The following GSE1 variants were observed in gnomAD, a reference collection of about 807,000 sequenced individuals.
GSE1 encodes Gse1 coiled-coil protein.
A neutral mutation model predicts 112.6 loss-of-function variants in GSE1; 32 were observed. The ratio of observed to expected loss-of-function variants is 0.28; its 90% CI spans 0.21 to 0.38. The LOEUF is 0.38. GSE1 is among the 10% of genes least tolerant of loss of function. The pLI, the probability that GSE1 is intolerant of heterozygous loss-of-function variation, is 1.00. For missense variants in GSE1, 2,348 were observed against 1,699.2 expected, an observed-to-expected ratio of 1.38 and a Z score of -6.71; for synonymous variants, 1,115 against 735.6, an observed-to-expected ratio of 1.52 and a Z score of -8.35.
intron 1 of GSE1, among the ~76,000 whole-genome samples, chr16:85,618,721 G>A (rs1272952808): frequency 6.6e-6 from 1 of 152,256 alleles, no homozygotes. Flanking sequence ...GCAGTGGTGC[G>A]ATCACAGCTC....
At chr16:85,622,426 A>T (rs1220872703) in intron 1 of GSE1, among the ~76,000 whole-genome samples, 1 of 151,968 alleles carries the variant, frequency 6.6e-6, no homozygotes. Context: ...CATATTGGGG[A>T]GGGTGTTCAT....
intron 1 of GSE1, among the ~76,000 whole-genome samples, chr16:85,622,155 T>C (rs1411847356): frequency 6.6e-6 from 1 of 152,306 alleles, no homozygotes; most frequent in East Asian, 1.9e-4. Context: ...TTGTCCTGTT[T>C]GGTGGCTGGG....
At chr16:85,652,361 C>G (rs1244213870) in intron 3 of GSE1, among the ~76,000 whole-genome samples, 1 of 152,254 alleles carries the variant, frequency 6.6e-6, no homozygotes, top group African/African-American at 2.4e-5. Context: ...CAGGCGCTGG[C>G]TCCTCAATAG....
chr16:85,465,780 T>C lies in GSE1; in HGVS notation c.2464+108137T>C, dbSNP rs558076092. Among the ~76,000 whole-genome samples the C allele has an allele frequency of 2.0e-5, 3 of 152,374 alleles. No individual in the cohort carries two copies. The South Asian group carries it at 6.2e-4, about 32-fold the overall frequency. On this transcript the variant is annotated intron_variant, in intron 2 of 2. Transcript: ENST00000637419. ...CAGACAGACGTTCCTCAAGGGAAGATCCTTTACACTCTGATCTCAGAATCT... is the reference window on the plus strand; with the variant it reads ...CAGACAGACGTTCCTCAAGGGAAGACCCTTTACACTCTGATCTCAGAATCT...
intron 2 of GSE1, among the ~76,000 whole-genome samples, chr16:85,360,769 C>T (rs977679481): frequency 5.9e-5 from 9 of 152,010 alleles, no homozygotes; most frequent in South Asian, 4.1e-4. Context: ...CACGGGTGCA[C>T]GCGTAAGTCA....
In GSE1 at chr16:85,544,501, C is replaced by T. The variant is rs536002471; in HGVS notation, c.2465-89413C>T. 1.3e-3 allele frequency among the ~76,000 whole-genome samples: 198 copies of T among 152,310 alleles called. 1 individual carries two copies. Among genetic ancestry groups the T allele is most frequent in the African/African-American group, 4.6e-3 (192 of 41,560 alleles). On this transcript the variant is annotated intron_variant, in intron 2 of 2. Transcript: ENST00000637419. ...AGTGGCTGGGGCTGACTCCAGATTT[C>T]TTTGCAAGGTAAAGGCAGAGAAGGA...
intron 1 of GSE1, among the ~76,000 whole-genome samples, chr16:85,196,202 G>A (rs1454135051): frequency 2.6e-5 from 4 of 152,192 alleles, no homozygotes; most frequent in South Asian, 2.1e-4. Flanking sequence ...GTTGGGGCCC[G>A]TGTTATCATT....
intron 2 of GSE1, among the ~76,000 whole-genome samples, chr16:85,414,507 C>T (rs570458713): frequency 6.6e-6 from 1 of 152,376 alleles, no homozygotes; most frequent in Non-Finnish European, 1.5e-5. Flanking sequence ...ATGACATCGC[C>T]ATGCCTTCGT....
intron 1 of GSE1, among the ~76,000 whole-genome samples, chr16:85,570,654 G>A (rs545288992): frequency 1.1e-3 from 175 of 152,352 alleles, no homozygotes; most frequent in African/African-American, 3.9e-3. Context: ...GAATAGGAAC[G>A]CAAATAGCCC....
intron 1 of GSE1, among the ~76,000 whole-genome samples, chr16:85,605,986 G>A (rs565475286): frequency 3.9e-5 from 6 of 152,206 alleles, no homozygotes; most frequent in Non-Finnish European, 5.9e-5. Flanking sequence ...TGTTTCTGCC[G>A]TGGTTTCTGT....
intron 2 of GSE1, among the ~76,000 whole-genome samples, chr16:85,361,253 CCCCCCACACACAAACATACA>C: frequency 7.2e-6 from 1 of 139,444 alleles, no homozygotes; most frequent in Middle Eastern, 3.8e-3. Flanking sequence ...CAGGCACAGA[CCCCCCACACACAAACATACA>C]GACGCACACA....
upstream of GSE1, among the ~76,000 whole-genome samples, chr16:85,609,029 G>A (rs535688317): frequency 6.6e-6 from 1 of 152,334 alleles, no homozygotes; most frequent in African/African-American, 2.4e-5. Context: ...CCAGGGCTAG[G>A]CCGTGTGCTC....
At chr16:85,256,219 G>A (rs1444269014) in intron 1 of GSE1, among the ~76,000 whole-genome samples, 1 of 151,868 alleles carries the variant, frequency 6.6e-6, no homozygotes, top group East Asian at 1.9e-4. Context: ...GGGGTGGAGG[G>A]TGGGAGCTTC....
upstream of GSE1, chr16:85,554,986 TC>T: frequency 1.0e-6 from 1 of 985,230 alleles, no homozygotes; most frequent in Non-Finnish European, 1.2e-6. Context: ...CCGCTCCCCG[TC>T]CGCATGGATC....
intron 1 of GSE1, among the ~76,000 whole-genome samples, chr16:85,190,195 G>A (rs755770756): frequency 5.3e-5 from 8 of 152,180 alleles, no homozygotes; most frequent in Non-Finnish European, 1.2e-4. Context: ...GATGGACATT[G>A]GTGAAGTCCA....
intron 2 of GSE1, among the ~76,000 whole-genome samples, chr16:85,539,287 A>G (rs1448407966): frequency 6.6e-6 from 1 of 152,174 alleles, no homozygotes; most frequent in African/African-American, 2.4e-5. Flanking sequence ...CTGCATGCAC[A>G]TGTTTCCCGG....
intron 2 of GSE1, among the ~76,000 whole-genome samples, chr16:85,409,202 A>T (rs71372906): frequency 9.1e-5 from 3 of 33,088 alleles, no homozygotes; most frequent in Admixed American, 2.6e-4. Flanking sequence ...TCACCGTTAC[A>T]CTCAGGGCCC....
At chr16:85,481,126 C>G (rs1352853079) in intron 2 of GSE1, among the ~76,000 whole-genome samples, 1 of 152,246 alleles carries the variant, frequency 6.6e-6, no homozygotes, top group Non-Finnish European at 1.5e-5. Flanking sequence ...CGCCTCGCTT[C>G]TCTCCCCACC....
Position 85,673,326 on chromosome 16 carries a change from G to GTA in GSE1, c.*795_*796dup, listed in dbSNP as rs1033144708. 3.3e-5 allele frequency: 5 copies of GTA among 151,882 alleles called. No individual in the cohort carries two copies. Among genetic ancestry groups the GTA allele is most frequent in the East Asian group, 3.9e-4 (2 of 5,164 alleles). The allele number at this position is 151,882 out of a possible 1,614,324, so 9.4% of individuals were successfully genotyped here. On this transcript the variant is annotated 3_prime_UTR_variant, in exon 16 of 16. Coordinates refer to ENST00000253458, the MANE Select transcript of GSE1 (RefSeq NM_014615.5). ...CAAAGGTGCTTCAGCCTTGTACTGT[G>GTA]TATATATATTAAAAAAAAAACAAAG...
Sources: gnomAD v4.1 joint callset for allele counts (sites outside exome capture counted in the v4.1 genomes callset) on GRCh38, gnomAD v4.1.1 for gene constraint, MANE v1.5 for transcripts, NCBI Gene and HGNC (gene_info 2026-07-23, HGNC 2026-07-21) for gene names.